Variants in SUCLA2 observed in about 807,000 individuals in gnomAD.
SUCLA2 encodes the protein succinate--CoA ligase [ADP-forming] subunit beta, mitochondrial.
A neutral mutation model predicts 54.8 loss-of-function variants in SUCLA2; 30 were observed. The observed-to-expected ratio is 0.55, with a 90% confidence interval of 0.41 to 0.74. The LOEUF (loss-of-function observed/expected upper bound fraction) is 0.74. Ranked by LOEUF, SUCLA2 falls within the 30% of genes least tolerant of loss-of-function variation. The pLI is 0.00. For synonymous variants in SUCLA2, 172 were observed against 188.9 expected, an observed-to-expected ratio of 0.91 and a Z score of 0.74; for missense variants, 476 against 562.9, an observed-to-expected ratio of 0.85 and a Z score of 1.56.
intron 6 of SUCLA2, among the ~76,000 whole-genome samples, chr13:47,961,263 G>C (rs1370739757): frequency 6.6e-6 from 1 of 152,148 alleles, no homozygotes; most frequent in African/African-American, 2.4e-5. Context: ...TTCTGAGTAA[G>C]TTGCAAAGAG....
At chr13:47,950,183 G>A (rs73489213) in intron 8 of SUCLA2, among the ~76,000 whole-genome samples, 2,712 of 152,248 alleles carry the variant, frequency 0.018, 91 homozygotes, top group African/African-American at 0.062. Context: ...TCATAAAGAT[G>A]TTTACCTAAC....
chr13:47,988,813 A>C, intron 3 of SUCLA2, 69 bp downstream of exon 3: 1 of 1,593,554 alleles, frequency 6.3e-7, no homozygotes, highest in Non-Finnish European at 8.6e-7. Flanking sequence ...CAGTATTTTC[A>C]TCAATTCAAT....
rs1230532425 is a variant in SUCLA2, at chr13:47,954,138, A to G, written c.1107+2T>C. ...TAAAAATATATCAAGCCCTGCCCTT[A>G]CCTTTTTATCTGAAGTGATAAGCTT... On this transcript the variant is annotated splice_donor_variant, in intron 8 of 10. Coordinates refer to ENST00000646932, the MANE Select transcript of SUCLA2 (RefSeq NM_003850.3). LOFTEE classifies it high-confidence loss of function. 1 of 1,612,968 alleles carries G rather than the reference A, an allele frequency of 6.2e-7. No homozygotes were observed.
At chr13:47,983,953 TAGA>T (rs1950079215) in intron 4 of SUCLA2, among the ~76,000 whole-genome samples, 1 of 152,040 alleles carries the variant, frequency 6.6e-6, no homozygotes, top group Non-Finnish European at 1.5e-5. Context: ...CAATAATACA[TAGA>T]AGAAAGTGGA....
rs1245906483 is a variant in SUCLA2, at chr13:47,988,895, T to G, written c.358A>C (p.Lys120Gln). ...TFESGLKGGV[K>Q]IVFSPEEAKA... is the part of the protein sequence containing the mutation. ...AATGTGACTTACGAGAAAACTATCTTCACTCCTCCTTTGAGGCCACTTTCA... is the reference window on the plus strand; with the variant it reads ...AATGTGACTTACGAGAAAACTATCTGCACTCCTCCTTTGAGGCCACTTTCA... The change falls in exon 3 of 11, where the codon AAG becomes CAG. Residue 120 changes from lysine to glutamine, a missense_variant. By Grantham distance (53) the Lys-to-Gln change is moderately conservative (BLOSUM62 1). Transcript: ENST00000646932. 1 of 1,612,702 alleles carries G rather than the reference T, an allele frequency of 6.2e-7. No individual in the cohort carries two copies. Among genetic ancestry groups the G allele is most frequent in the Non-Finnish European group, 8.5e-7 (1 of 1,179,946 alleles).
In SUCLA2 at chr13:47,945,294, A is replaced by C. The variant is rs140217303; in HGVS notation, c.1318-1849T>G. ...AAAAATTAGCTGGGCGTGGTGGCACACACCTGTAGTCTCAGCTACTCAGAA... is the reference window on the plus strand; with the variant it reads ...AAAAATTAGCTGGGCGTGGTGGCACCCACCTGTAGTCTCAGCTACTCAGAA... On this transcript the variant is annotated intron_variant, in intron 10 of 10. Coordinates refer to ENST00000646932, the MANE Select transcript of SUCLA2 (RefSeq NM_003850.3). Among the ~76,000 whole-genome samples the C allele has an allele frequency of 3.7e-3, 549 of 149,640 alleles. 2 individuals carry two copies. The highest frequency in any genetic ancestry group is 0.013 in the African/African-American group (516 of 40,808).
intron 2 of SUCLA2, among the ~76,000 whole-genome samples, chr13:47,992,087 A>G (rs1392248633): frequency 3.9e-5 from 6 of 152,202 alleles, no homozygotes; most frequent in Admixed American, 6.5e-5. Flanking sequence ...ATATTTGTTT[A>G]TATCCGAAGA....
rs181668934 is a variant in SUCLA2, at chr13:47,957,364, C to A, written c.803-2807G>T. On this transcript the variant is annotated intron_variant, in intron 6 of 10. Coordinates refer to ENST00000646932, the MANE Select transcript of SUCLA2 (RefSeq NM_003850.3). ...ACCTAGACCAAACCCCTAGTGATTC[C>A]GTAACAGATTTTGGTTAGTTGACAG... Among the ~76,000 whole-genome samples, 6 of 152,222 alleles carry A rather than the reference C, an allele frequency of 3.9e-5. No individual in the cohort carries two copies. The East Asian group carries it at 1.2e-3, about 29-fold the overall frequency.
At chr13:47,989,163 G>T (rs1244274311) in intron 2 of SUCLA2, among the ~76,000 whole-genome samples, 182 bp from the exon 3 acceptor site, 1 of 151,026 alleles carries the variant, frequency 6.6e-6, no homozygotes, top group Non-Finnish European at 1.5e-5. Context: ...AATAATCACT[G>T]TCTAAAAGGC....
intron 6 of SUCLA2, among the ~76,000 whole-genome samples, chr13:47,962,049 A>G (rs1321179453): frequency 6.6e-6 from 1 of 152,232 alleles, no homozygotes; most frequent in Non-Finnish European, 1.5e-5. Context: ...GAAGCAGAGC[A>G]GGAGTTCATT....
chr13:47,979,814 A>C (rs1230497107), intron 4 of SUCLA2, among the ~76,000 whole-genome samples: 1 of 152,178 alleles, frequency 6.6e-6, no homozygotes, highest in Non-Finnish European at 1.5e-5. Context: ...AAGCATCCAA[A>C]GAGAAAAGGA....
chr13:47,983,929 GA>G (rs1234055708), intron 4 of SUCLA2, among the ~76,000 whole-genome samples: 1 of 151,304 alleles, frequency 6.6e-6, no homozygotes, highest in African/African-American at 2.4e-5. Flanking sequence ...TTATAAGTTA[GA>G]AAAAAAAGGA....
chr13:47,971,427 A>G (rs1475506678), intron 5 of SUCLA2: 1 of 152,966 alleles, frequency 6.5e-6, no homozygotes, highest in African/African-American at 2.4e-5. Flanking sequence ...TCTCAAAAAC[A>G]AACAAACGAA....
intron 6 of SUCLA2, among the ~76,000 whole-genome samples, chr13:47,955,425 T>C (rs918487520): frequency 1.3e-5 from 2 of 152,046 alleles, no homozygotes; most frequent in Non-Finnish European, 2.9e-5. Context: ...TGGTCTCGAA[T>C]TGCTGACCTC....
intron 6 of SUCLA2, among the ~76,000 whole-genome samples, chr13:47,966,309 T>C (rs1012510020): frequency 6.6e-6 from 1 of 152,076 alleles, no homozygotes; most frequent in Admixed American, 6.5e-5. Flanking sequence ...CATGGTACCA[T>C]ATTCATAGTA....
intron 6 of SUCLA2, among the ~76,000 whole-genome samples, chr13:47,958,843 A>G (rs535493569): frequency 1.2e-3 from 179 of 152,330 alleles, no homozygotes; most frequent in Non-Finnish European, 2.2e-3. Context: ...GGCATCTAAT[A>G]TATGTTTTCA....
intron 6 of SUCLA2, chr13:47,965,529 CAA>C (rs1949911492): frequency 3.1e-6 from 1 of 324,032 alleles, no homozygotes; most frequent in African/African-American, 2.7e-5. Flanking sequence ...AAAAAAAAAA[CAA>C]AGAAAAACAG....
chr13:47,998,296 T>TA lies in SUCLA2; in HGVS notation c.91-1274dup, dbSNP rs58573331. ...TGTCTAAAAAAACAAATAAATAAGT[T>TA]AAAAAAAAAAAAAAAAAGAAAAAAA... is the stretch of plus-strand genomic sequence containing the variant. On this transcript the variant is annotated intron_variant, in intron 1 of 10. Coordinates refer to ENST00000646932, the MANE Select transcript of SUCLA2 (RefSeq NM_003850.3). Among the ~76,000 whole-genome samples the TA allele has an allele frequency of 8.2e-4, 112 of 136,178 alleles. 2 individuals are homozygous for TA. In the East Asian group the frequency reaches 0.01, roughly 13 times the overall value. 89.3% of individuals were successfully genotyped at this position (136,178 alleles called of 152,430 possible).
chr13:47,948,874 T>A (rs1949755441), intron 10 of SUCLA2, 66 bp downstream of exon 10: 23 of 1,423,124 alleles, frequency 1.6e-5, no homozygotes, highest in Middle Eastern at 3.5e-4. Flanking sequence ...TTAGCTGTAT[T>A]AATAATTAGG....
Sources: allele counts gnomAD v4.1 joint callset (sites outside exome capture counted in the v4.1 genomes callset), GRCh38; gene constraint gnomAD v4.1.1; transcripts MANE v1.5; gene names NCBI Gene and HGNC (gene_info 2026-07-23, HGNC 2026-07-21).